Variants in ABCG2 observed in about 807,000 individuals in gnomAD.
The protein encoded by ABCG2 is ATP binding cassette subfamily G member 2 (JR blood group).
ABCG2 carries 80 observed loss-of-function variants against 73.5 expected under a neutral mutation model. That is an observed-to-expected ratio of 1.09 (90% confidence interval 0.91 to 1.31). The LOEUF (loss-of-function observed/expected upper bound fraction) is 1.31, where lower values mean the gene tolerates loss of function less well. Among genes scored for constraint, ABCG2 ranks in the 50% most tolerant of loss-of-function variants. The probability of loss-of-function intolerance (pLI) is 0.00; values close to 1 mark genes in which losing one functional copy is unlikely to be tolerated. For synonymous variants in ABCG2, 269 were observed against 282.4 expected, an observed-to-expected ratio of 0.95 and a Z score of 0.48; for missense variants, 796 against 786.2, an observed-to-expected ratio of 1.01 and a Z score of -0.15.
At chr4:88,161,670 C>A (rs1727313790), upstream of ABCG2, among the ~76,000 whole-genome samples, 1 of 22,020 alleles carries the variant, frequency 4.5e-5, no homozygotes, top group Non-Finnish European at 8.7e-5. Context: ...GATTTATAGT[C>A]CTTTGGGTAT....
chr4:88,097,210 T>C lies in ABCG2; in HGVS notation c.1647+243A>G, dbSNP rs1578167787. ...CAAAGAAACGCCTTTTAAAAGCTCA[T>C]TAGTAACAATATTAACTAAAATTAT... On this transcript the variant is annotated intron_variant, in intron 13 of 15. Coordinates refer to ENST00000237612, the MANE Select transcript of ABCG2 (RefSeq NM_004827.3). 2.0e-5 allele frequency among the ~76,000 whole-genome samples: 3 copies of C among 152,198 alleles called. No homozygotes were observed. The South Asian group carries it at 6.2e-4, about 32-fold the overall frequency.
chr4:88,187,733 C>T (rs184323928), intron 1 of ABCG2, among the ~76,000 whole-genome samples: 8 of 152,204 alleles, frequency 5.3e-5, no homozygotes, highest in African/African-American at 1.9e-4. Flanking sequence ...AATATATACA[C>T]CTACAATGTA....
chr4:88,221,588 G>A (rs1156856463), intron 1 of ABCG2, among the ~76,000 whole-genome samples: 3 of 152,146 alleles, frequency 2.0e-5, no homozygotes, highest in Non-Finnish European at 4.4e-5. Context: ...AATGCTGATG[G>A]TGATATGGAC....
intron 1 of ABCG2, among the ~76,000 whole-genome samples, chr4:88,192,853 A>T (rs536151564): frequency 8.6e-5 from 13 of 151,910 alleles, no homozygotes; most frequent in African/African-American, 3.1e-4. Flanking sequence ...CTGGGATTAC[A>T]AGCACCCACC....
chr4:88,207,274 A>G (rs1729416170), intron 1 of ABCG2, among the ~76,000 whole-genome samples: 1 of 152,144 alleles, frequency 6.6e-6, no homozygotes, highest in Admixed American at 6.5e-5. Context: ...CAGCTATTAC[A>G]TGAGTTCAAT....
chr4:88,220,285 T>A (rs1476272993), intron 1 of ABCG2, among the ~76,000 whole-genome samples: 1 of 152,206 alleles, frequency 6.6e-6, no homozygotes, highest in Non-Finnish European at 1.5e-5. Flanking sequence ...TGTATAAACA[T>A]CTGTCTGAGC....
intron 1 of ABCG2, among the ~76,000 whole-genome samples, chr4:88,172,703 C>A (rs1727804233): frequency 6.6e-6 from 1 of 152,068 alleles, no homozygotes. Flanking sequence ...TGGTCAGTGG[C>A]TACAAATTCT....
intron 1 of ABCG2, among the ~76,000 whole-genome samples, chr4:88,190,237 T>C (rs1219987191): frequency 6.6e-6 from 1 of 152,206 alleles, no homozygotes; most frequent in African/African-American, 2.4e-5. Context: ...TCCTTCTCTT[T>C]GATGCCTAAT....
At chr4:88,221,126 A>G (rs1269507994) in intron 1 of ABCG2, among the ~76,000 whole-genome samples, 1 of 152,086 alleles carries the variant, frequency 6.6e-6, no homozygotes, top group Non-Finnish European at 1.5e-5. Context: ...AAAATTAGAC[A>G]GGTGTGTTAG....
chr4:88,211,357 T>TTC (rs1560460419), intron 1 of ABCG2, among the ~76,000 whole-genome samples: 67 of 18,892 alleles, frequency 3.5e-3, no homozygotes, highest in East Asian at 0.01. Context: ...GTTCAACCCC[T>TTC]GCCCCACCCC....
At position 88,156,351 on chromosome 4, in the gene ABCG2, G is replaced by C. The variant is rs1252267569; in HGVS notation, c.-20+2035C>G. ...GATCGTGCCACTGCACTCCAGCCTG[G>C]GCGACAAAGACTCCGTCTCAAAAAA... On this transcript the variant is annotated intron_variant, in intron 1 of 15. Transcript: ENST00000237612. 3.7e-5 allele frequency among the ~76,000 whole-genome samples: 5 copies of C among 134,936 alleles called. No homozygotes were observed. In the Admixed American group the frequency reaches 4.5e-4, roughly 12 times the overall value. 88.5% of individuals were successfully genotyped at this position (134,936 alleles called of 152,430 possible). A position where few individuals can be genotyped will look rare whatever the true frequency, so the allele number is the denominator to read the frequency against.
At chr4:88,148,405 A>G (rs149606386) in intron 1 of ABCG2, among the ~76,000 whole-genome samples, 29 of 152,302 alleles carry the variant, frequency 1.9e-4, no homozygotes, top group African/African-American at 6.7e-4. Flanking sequence ...GCTGGAGTTT[A>G]GTTTTCAGAG....
chr4:88,137,570 T>C (rs557413038), intron 2 of ABCG2, among the ~76,000 whole-genome samples: 31 of 152,318 alleles, frequency 2.0e-4, no homozygotes, highest in African/African-American at 7.5e-4. Context: ...GTGAGGGGCA[T>C]GGTTGACCCA....
chr4:88,129,483 C>T (rs1322614661), intron 5 of ABCG2, among the ~76,000 whole-genome samples: 3 of 152,140 alleles, frequency 2.0e-5, no homozygotes, highest in Non-Finnish European at 4.4e-5. Flanking sequence ...CAACATAGGG[C>T]AATGGCTGCC....
chr4:88,225,040 T>C (rs1406293816), intron 1 of ABCG2, among the ~76,000 whole-genome samples: 2 of 152,226 alleles, frequency 1.3e-5, no homozygotes, highest in African/African-American at 4.8e-5. Context: ...TCCATTGATC[T>C]GGATGTCTGT....
intron 5 of ABCG2, among the ~76,000 whole-genome samples, chr4:88,127,545 A>G (rs1354091742): frequency 1.3e-5 from 2 of 152,218 alleles, no homozygotes; most frequent in Admixed American, 6.5e-5. Flanking sequence ...ACAGTAGCCA[A>G]AACAGCATGG....
At chr4:88,176,586 T>C (rs1727990035) in intron 1 of ABCG2, among the ~76,000 whole-genome samples, 1 of 147,540 alleles carries the variant, frequency 6.8e-6, no homozygotes, top group Non-Finnish European at 1.5e-5. Flanking sequence ...ACTCAGGTGA[T>C]CCTCTCACCT....
chr4:88,107,151 A>C, intron 10 of ABCG2, 33 bp downstream of exon 10: 1 of 1,474,520 alleles, frequency 6.8e-7, no homozygotes, highest in Non-Finnish European at 9.4e-7. Context: ...AAGTAACAGC[A>C]TTTTCTGAAA....
chr4:88,171,201 C>T (rs1321254080), intron 1 of ABCG2, among the ~76,000 whole-genome samples: 1 of 148,850 alleles, frequency 6.7e-6, no homozygotes, highest in Non-Finnish European at 1.5e-5. Context: ...ATCACCTGCA[C>T]AACAAACCCT....
Sources: gnomAD v4.1 joint callset for allele counts (sites outside exome capture counted in the v4.1 genomes callset) on GRCh38, gnomAD v4.1.1 for gene constraint, MANE v1.5 for transcripts, NCBI Gene and HGNC (gene_info 2026-07-23, HGNC 2026-07-21) for gene names.